ARHGAP33: variants seen among roughly 807,000 people sequenced by gnomAD.
ARHGAP33 encodes the protein rho GTPase-activating protein 33.
A neutral mutation model predicts 126.2 loss-of-function variants in ARHGAP33; 57 were observed. The ratio of observed to expected loss-of-function variants is 0.45; its 90% CI spans 0.36 to 0.56. ARHGAP33 has a LOEUF of 0.56. Among genes scored for constraint, ARHGAP33 ranks in the 20% least tolerant of loss-of-function variants. ARHGAP33 has a pLI of 0.00. For missense variants in ARHGAP33, 1,500 were observed against 1,748.3 expected (o/e 0.86, Z 2.53); for synonymous variants, 711 against 755.0 (o/e 0.94, Z 0.95).
Position 35,787,618 on chromosome 19 carries a change from A to ATGTTCT in ARHGAP33, c.3053_3054insTGTTCT (p.Gln1018delinsHisValLeu). Reference sequence around the variant, plus strand: ...AGGGATGCGCCAGAGGCAGCAGCCCAGTCCCCATGTTCTGTCCCCTCACAG... The same window carrying ATGTTCT: ...AGGGATGCGCCAGAGGCAGCAGCCCATGTTCTGTCCCCATGTTCTGTCCCCTCACAG... On this transcript the variant is annotated protein_altering_variant, in exon 21 of 21. Coordinates refer to ENST00000007510, the MANE Select transcript of ARHGAP33 (RefSeq NM_001366178.1). 2 of 1,603,408 alleles carry ATGTTCT rather than the reference A, an allele frequency of 1.2e-6. No individual in the cohort carries two copies. Among genetic ancestry groups the ATGTTCT allele is most frequent in the Non-Finnish European group, 1.7e-6 (2 of 1,176,842 alleles).
chr19:35,788,636 A>G lies in ARHGAP33; in HGVS notation c.*207A>G. 1 of 494,142 alleles carries G rather than the reference A, an allele frequency of 2.0e-6. No individual in the cohort carries two copies. 30.6% of individuals were successfully genotyped at this position (494,142 alleles called of 1,614,324 possible). ...TCTGCCCATCCCCCCACCACCCTCC[A>G]TCCTGGGGGCCCTCGCACAAATCTG... On this transcript the variant is annotated 3_prime_UTR_variant, in exon 21 of 21. Transcript: ENST00000007510.
chr19:35,777,590 C>G (rs1409346135), intron 1 of ARHGAP33, 55 bp from the exon 2 acceptor site: 1 of 1,434,994 alleles, frequency 7.0e-7, no homozygotes. Context: ...TAACAATGCT[C>G]TCGTTGTCTC....
rs1381100765 is a variant in ARHGAP33 at position 35,788,243 on chromosome 19, G to A, written c.3678G>A (p.Trp1226Ter). 2 of 1,608,620 alleles carry A rather than the reference G, an allele frequency of 1.2e-6. No individual in the cohort carries two copies. Among genetic ancestry groups the A allele is most frequent in the South Asian group, 2.2e-5 (2 of 90,816 alleles). The change falls in exon 21 of 21, where the codon TGG becomes TGA. Residue 1226 changes from tryptophan (W) to a stop codon, truncating the protein, a stop_gained. Transcript: ENST00000007510. LOFTEE classifies it high-confidence loss of function. ...CCCCTCATAGGGTGCCGGGTCCCTG[G>A]GGCCCTCCTGAGCCTCTCCTGCTCT... Reference protein sequence around the residue: ...PRTPHRVPGPWGPPEPLLLYR... With the variant: ...PRTPHRVPGP
In ARHGAP33 at chr19:35,787,955, G is replaced by A; in HGVS notation, c.3390G>A (p.Arg1130=). The stretch of plus-strand genomic sequence containing the variant: ...TTGGCCAATCACCCCCACTCCACAG[G>A]TCCCCCGACTTCCTGCTCAGCTACC... The part of the protein sequence containing the change: ...GMLGQSPPLH[R]SPDFLLSYPP... The change falls in exon 21 of 21, where the codon AGG becomes AGA. Residue 1130 remains arginine (R), a synonymous_variant. Coordinates refer to ENST00000007510, the MANE Select transcript of ARHGAP33 (RefSeq NM_001366178.1). 1 of 1,475,714 alleles carries A rather than the reference G, an allele frequency of 6.8e-7. No individual in the cohort carries two copies. Among genetic ancestry groups the A allele is most frequent in the Non-Finnish European group, 9.0e-7 (1 of 1,113,550 alleles). The allele number at this position is 1,475,714 out of a possible 1,614,324, so 91.4% of individuals were successfully genotyped here. A position where few individuals can be genotyped will look rare whatever the true frequency, so the allele number is the denominator to read the frequency against.
At position 35,784,753 on chromosome 19, in the gene ARHGAP33, C is replaced by CTCCTCA. The variant is rs1346546917; in HGVS notation, c.1568-197_1568-192dup. ...GCCCTCGCTGGCTGCCGGGAGCTGC[C>CTCCTCA]TCCTCATCAGCTCGTCCCGCCCCGC... On this transcript the variant is annotated intron_variant, in intron 16 of 20. Transcript: ENST00000007510. The CTCCTCA allele has an allele frequency of 5.9e-6, 8 of 1,360,806 alleles. No individual in the cohort carries two copies. The African/African-American group carries it at 1.2e-4, about 21-fold the overall frequency. 84.3% of individuals were successfully genotyped at this position (1,360,806 alleles called of 1,614,324 possible). A position where few individuals can be genotyped will look rare whatever the true frequency, so the allele number is the denominator to read the frequency against.
intron 7 of ARHGAP33, 42 bp from the exon 8 acceptor site, chr19:35,780,379 C>T (rs1392913088): frequency 1.9e-6 from 3 of 1,610,488 alleles, no homozygotes; most frequent in African/African-American, 2.7e-5. Context: ...CCCACACCCC[C>T]TGCTCCTTCT....
At chr19:35,783,171 A>G (rs1971896410) in intron 15 of ARHGAP33, among the ~76,000 whole-genome samples, 1 of 152,142 alleles carries the variant, frequency 6.6e-6, no homozygotes, top group Non-Finnish European at 1.5e-5. Flanking sequence ...GGGTCAGGGC[A>G]GTGTGAAGTT....
Position 35,777,464 on chromosome 19 carries a change from C to T in ARHGAP33, c.7-181C>T, listed in dbSNP as rs1008558155. On this transcript the variant is annotated intron_variant, in intron 1 of 20. Coordinates refer to ENST00000007510, the MANE Select transcript of ARHGAP33 (RefSeq NM_001366178.1). ...TTCTCCAGTCCCCCACCCCAGACCA[C>T]ACACGAAGAAGCAGTCCTGTCCTCA... 11 of 616,732 alleles carry T rather than the reference C, an allele frequency of 1.8e-5. No homozygotes were observed. The East Asian group carries it at 2.5e-4, about 14-fold the overall frequency. The allele number at this position is 616,732 out of a possible 1,614,324, so 38.2% of individuals were successfully genotyped here.
Position 35,777,722 on chromosome 19 carries a change from G to T in ARHGAP33, c.84G>T (p.Val28=). 1 of 1,610,044 alleles carries T rather than the reference G, an allele frequency of 6.2e-7. No individual in the cohort carries two copies. The highest frequency in any genetic ancestry group is 8.5e-7 in the Non-Finnish European group (1 of 1,178,178). The stretch of plus-strand genomic sequence containing the variant: ...TACCCACTGCTGGGGGGCCCAGTGT[G>T]AAGGGGAAGCCTGGGAAGAGGTGAG... ...QPLPTAGGPS[V]KGKPGKRLSA... The change falls in exon 2 of 21, where the codon GTG becomes GTT. Residue 28 remains valine (V), a synonymous_variant. Transcript: ENST00000007510.
chr19:35,779,322 T>C (rs1971622593), intron 6 of ARHGAP33, among the ~76,000 whole-genome samples, 198 bp downstream of exon 6: 1 of 152,120 alleles, frequency 6.6e-6, no homozygotes, highest in Non-Finnish European at 1.5e-5. Flanking sequence ...GTGTGTGTGT[T>C]AGCAGGTGTT....
chr19:35,785,552 G>GTTT, intron 19 of ARHGAP33, 69 bp downstream of exon 19: 1 of 1,598,516 alleles, frequency 6.3e-7, no homozygotes, highest in African/African-American at 1.3e-5. Context: ...TGGGGCCCTG[G>GTTT]TTTGGCCTCC....
At chr19:35,784,848 G>C in intron 16 of ARHGAP33, 105 bp from the exon 17 acceptor site, 1 of 1,250,718 alleles carries the variant, frequency 8.0e-7, no homozygotes, top group Non-Finnish European at 1.0e-6. Flanking sequence ...TTGCCAGCCC[G>C]GGTGGGCATG....
In ARHGAP33 at chr19:35,780,958, C is replaced by T. The variant is rs1188362947; in HGVS notation, c.868C>T (p.Arg290Cys). Reference sequence around the variant, plus strand: ...TCGTGGGAAGCTGGCCGGCCTGCTCCGCACCTTCATGCGCTCCCGCCCTTC... The same window carrying T: ...TCGTGGGAAGCTGGCCGGCCTGCTCTGCACCTTCATGCGCTCCCGCCCTTC... ...RPRGKLAGLL[R>C]TFMRSRPSRQ... Residue 290 changes from arginine (R) to cysteine (C), a missense_variant, in exon 11 of 21, where the codon CGC (arginine) becomes TGC (cysteine). Arg to Cys is a radical substitution (Grantham distance 180). Coordinates refer to ENST00000007510, the MANE Select transcript of ARHGAP33 (RefSeq NM_001366178.1). 9.3e-6 allele frequency: 15 copies of T among 1,610,034 alleles called. No individual in the cohort carries two copies. The highest frequency in any genetic ancestry group is 1.3e-5 in the Non-Finnish European group (15 of 1,179,914).
chr19:35,781,959 G>A (rs943940019), intron 12 of ARHGAP33, among the ~76,000 whole-genome samples: 1 of 152,126 alleles, frequency 6.6e-6, no homozygotes, highest in Non-Finnish European at 1.5e-5. Context: ...GGCAGGAGGT[G>A]GCAATGGGTG....
In ARHGAP33 at chr19:35,788,660, T is replaced by C. The variant is rs1046677987; in HGVS notation, c.*231T>C. 5 of 493,472 alleles carry C rather than the reference T, an allele frequency of 1.0e-5. No individual in the cohort carries two copies. Among genetic ancestry groups the C allele is most frequent in the Non-Finnish European group, 1.8e-5 (5 of 282,574 alleles). The allele number at this position is 493,472 out of a possible 1,614,324, so 30.6% of individuals were successfully genotyped here. On this transcript the variant is annotated 3_prime_UTR_variant, in exon 21 of 21. Transcript: ENST00000007510. ...CATCCTGGGGGCCCTCGCACAAATCTGGGGTGGGAGGGGCTAGGCTGACCC... is the reference window on the plus strand; with the variant it reads ...CATCCTGGGGGCCCTCGCACAAATCCGGGGTGGGAGGGGCTAGGCTGACCC...
Position 35,786,409 on chromosome 19 carries a change from C to T in ARHGAP33, c.1943-4C>T, listed in dbSNP as rs996578623. Reference sequence around the variant, plus strand: ...GGATGGTCTCACTGACCCCACCCCTCCAGGCCTCCAGAGGCTGCACAGGCT... The same window carrying T: ...GGATGGTCTCACTGACCCCACCCCTTCAGGCCTCCAGAGGCTGCACAGGCT... On this transcript the variant is annotated splice_region_variant and splice_polypyrimidine_tract_variant and intron_variant, in intron 19 of 20. Transcript: ENST00000007510. This position sits in a 1 kb window ranked among gnomAD's most constrained non-coding sequence, Gnocchi z 7.0. 6.5e-6 allele frequency: 10 copies of T among 1,527,912 alleles called. No homozygotes were observed. The African/African-American group carries it at 1.1e-4, about 17-fold the overall frequency. 94.6% of individuals were successfully genotyped at this position (1,527,912 alleles called of 1,614,324 possible). A position where few individuals can be genotyped will look rare whatever the true frequency, so the allele number is the denominator to read the frequency against.
In ARHGAP33 at chr19:35,777,711, G is replaced by T. The variant is rs1434163803; in HGVS notation, c.73G>T (p.Gly25Trp). The change falls in exon 2 of 21, where the codon GGG becomes TGG. Residue 25 changes from glycine to tryptophan, a missense_variant. By Grantham distance (184) the Gly-to-Trp change is radical (BLOSUM62 -2). Transcript: ENST00000007510. The part of the protein sequence containing the change: ...GSVQPLPTAG[G>W]PSVKGKPGKR... Reference sequence around the variant, plus strand: ...GGTGCAGCCTCTACCCACTGCTGGGGGGCCCAGTGTGAAGGGGAAGCCTGG... The same window carrying T: ...GGTGCAGCCTCTACCCACTGCTGGGTGGCCCAGTGTGAAGGGGAAGCCTGG... 6.2e-7 allele frequency: 1 copy of T among 1,606,962 alleles called. No individual in the cohort carries two copies. Among genetic ancestry groups the T allele is most frequent in the East Asian group, 2.2e-5 (1 of 44,686 alleles).
chr19:35,782,553 G>T lies in ARHGAP33; in HGVS notation c.1230+36G>T. Reference sequence around the variant, plus strand: ...GAGCTGGCGGGACGGAGGGGGCCGGGACGCCTCTGGCCCAGACCTCATCAC... The same window carrying T: ...GAGCTGGCGGGACGGAGGGGGCCGGTACGCCTCTGGCCCAGACCTCATCAC... On this transcript the variant is annotated intron_variant, in intron 13 of 20. Coordinates refer to ENST00000007510, the MANE Select transcript of ARHGAP33 (RefSeq NM_001366178.1). The surrounding 1 kb of genome is among the most constrained non-coding windows in gnomAD (Gnocchi z 4.1). The T allele has an allele frequency of 6.2e-7, 1 of 1,613,518 alleles. No homozygotes were observed. Among genetic ancestry groups the T allele is most frequent in the Non-Finnish European group, 8.5e-7 (1 of 1,179,734 alleles).
At chr19:35,780,384 C>G (rs1971692000) in intron 7 of ARHGAP33, 37 bp from the exon 8 acceptor site, 2 of 1,607,060 alleles carry the variant, frequency 1.2e-6, no homozygotes, top group Non-Finnish European at 8.5e-7. Context: ...ACCCCCTGCT[C>G]CTTCTGACCC....
Sources: allele counts gnomAD v4.1 joint callset (sites outside exome capture counted in the v4.1 genomes callset), GRCh38; gene constraint gnomAD v4.1.1; non-coding constraint Gnocchi (gnomAD v3.1); transcripts MANE v1.5; gene names NCBI Gene and HGNC (gene_info 2026-07-23, HGNC 2026-07-21).